Variants in LCOR observed in about 807,000 individuals in gnomAD.
LCOR encodes the protein ligand dependent nuclear receptor corepressor.
A neutral mutation model predicts 64.4 loss-of-function variants in LCOR; 14 were observed. That is an observed-to-expected ratio of 0.22 (90% CI 0.14 to 0.34). The LOEUF is 0.34. Ranked by LOEUF, LCOR falls within the 10% of genes least tolerant of loss-of-function variation. LCOR has a pLI of 1.00. For missense variants in LCOR, 1,686 were observed against 1,765.3 expected, an observed-to-expected ratio of 0.96 and a Z score of 0.80; for synonymous variants, 643 against 642.5, an observed-to-expected ratio of 1.00 and a Z score of -0.01.
At chr10:96,942,525 A>G (rs1847511209) in intron 4 of LCOR, among the ~76,000 whole-genome samples, 1 of 152,220 alleles carries the variant, frequency 6.6e-6, no homozygotes, top group Non-Finnish European at 1.5e-5. Flanking sequence ...ATTTTTTAAT[A>G]CATTATATAG....
intron 2 of LCOR, among the ~76,000 whole-genome samples, chr10:96,865,784 G>T: frequency 6.7e-6 from 1 of 148,338 alleles, no homozygotes. Flanking sequence ...TGAGGCAGGA[G>T]AATTGTTTGA....
intron 2 of LCOR, among the ~76,000 whole-genome samples, chr10:96,886,003 G>T (rs1031299767): frequency 2.6e-4 from 39 of 152,046 alleles, no homozygotes; most frequent in African/African-American, 9.2e-4. Context: ...TCAGCCTCCC[G>T]AGTAGCTGGG....
chr10:96,989,329 TTAAAG>T lies in LCOR; in HGVS notation c.*4199_*4203del, dbSNP rs1247517644. On this transcript the variant is annotated 3_prime_UTR_variant, in exon 8 of 8. Transcript: ENST00000421806. ...TGACTCTGGCTTTATTTCTTGTTTA[TTAAAG>T]TAAGCCAAGATTTTGTTTCTGGTAA... 6.6e-6 allele frequency: 1 copy of T among 150,872 alleles called. No homozygotes were observed. Among genetic ancestry groups the T allele is most frequent in the Non-Finnish European group, 1.5e-5 (1 of 67,916 alleles). The allele number at this position is 150,872 out of a possible 1,614,324, so 9.3% of individuals were successfully genotyped here. A position where few individuals can be genotyped will look rare whatever the true frequency, so the allele number is the denominator to read the frequency against.
chr10:96,920,689 T>TATATATGC (rs1491249195), intron 4 of LCOR, among the ~76,000 whole-genome samples: 1 of 147,660 alleles, frequency 6.8e-6, no homozygotes, highest in African/African-American at 2.5e-5. Flanking sequence ...CATATATGTG[T>TATATATGC]ATATATGTTC....
intron 2 of LCOR, among the ~76,000 whole-genome samples, chr10:96,901,439 A>T (rs1024655903): frequency 1.3e-5 from 2 of 152,096 alleles, no homozygotes; most frequent in Admixed American, 6.5e-5. Flanking sequence ...GGAGCTTGTA[A>T]ATTTTTATTG....
At chr10:96,911,830 GT>G (rs1846841281) in intron 4 of LCOR, among the ~76,000 whole-genome samples, 1 of 152,210 alleles carries the variant, frequency 6.6e-6, no homozygotes, top group Admixed American at 6.5e-5. Context: ...TGACTAAGAA[GT>G]CAGGAAGCTT....
intron 4 of LCOR, among the ~76,000 whole-genome samples, chr10:96,912,646 T>TCC (rs1589650818): frequency 6.9e-6 from 1 of 145,350 alleles, no homozygotes; most frequent in South Asian, 2.2e-4. Flanking sequence ...CTTCCTTCCT[T>TCC]TCCTTCTTTT....
intron 2 of LCOR, among the ~76,000 whole-genome samples, chr10:96,872,211 G>C (rs1846083276): frequency 6.6e-6 from 1 of 152,234 alleles, no homozygotes; most frequent in African/African-American, 2.4e-5. Flanking sequence ...GGCACATATG[G>C]CTTATGCCAT....
intron 4 of LCOR, among the ~76,000 whole-genome samples, chr10:96,918,448 A>T (rs1846992811): frequency 6.6e-6 from 1 of 152,144 alleles, no homozygotes; most frequent in Admixed American, 6.5e-5. Context: ...TGTTGGTGGG[A>T]GTTAAGAAAT....
intron 5 of LCOR, among the ~76,000 whole-genome samples, chr10:96,945,587 A>T (rs1402873499): frequency 2.0e-5 from 3 of 152,186 alleles, no homozygotes; most frequent in African/African-American, 7.2e-5. Flanking sequence ...TCTTAGTTTT[A>T]TGAACATCTG....
At chr10:96,868,562 C>G (rs553624381) in intron 2 of LCOR, among the ~76,000 whole-genome samples, 70 of 152,292 alleles carry the variant, frequency 4.6e-4, no homozygotes, top group African/African-American at 1.6e-3. Flanking sequence ...GCGTGAGCCA[C>G]TCTTCCTGGT....
At chr10:96,950,295 C>G (rs1847655180) in intron 6 of LCOR, among the ~76,000 whole-genome samples, 1 of 152,026 alleles carries the variant, frequency 6.6e-6, no homozygotes, top group Non-Finnish European at 1.5e-5. Flanking sequence ...TATCCTTTTC[C>G]TGTGTGGTGA....
rs1316670492 is a variant in LCOR, at chr10:96,956,141, A to G, written c.332+3945A>G. The G allele has an allele frequency of 1.1e-5, 15 of 1,355,712 alleles. No homozygotes were observed. In the South Asian group the frequency reaches 1.6e-4, roughly 14 times the overall value. The allele number at this position is 1,355,712 out of a possible 1,614,324, so 84.0% of individuals were successfully genotyped here. A position where few individuals can be genotyped will look rare whatever the true frequency, so the allele number is the denominator to read the frequency against. ...GCTCGGAATATGTTTGGCCTTTTGC[A>G]TGTTTCTCTACAAAAGAGAATTGAG... On this transcript the variant is annotated intron_variant, in intron 7 of 7. Coordinates refer to ENST00000421806, the MANE Select transcript of LCOR (RefSeq NM_001346516.2).
At chr10:96,940,146 A>G (rs1164298096) in intron 4 of LCOR, among the ~76,000 whole-genome samples, 1 of 152,200 alleles carries the variant, frequency 6.6e-6, no homozygotes, top group Non-Finnish European at 1.5e-5. Flanking sequence ...AGTGTTCATG[A>G]GTATGTGGAG....
At chr10:96,894,248 C>T (rs773810295) in intron 2 of LCOR, among the ~76,000 whole-genome samples, 7 of 152,166 alleles carry the variant, frequency 4.6e-5, no homozygotes, top group Non-Finnish European at 8.8e-5. Context: ...CATGCCACCA[C>T]GCCCAGCTAA....
At chr10:96,949,941 A>G (rs925513430) in intron 6 of LCOR, among the ~76,000 whole-genome samples, 1 of 152,224 alleles carries the variant, frequency 6.6e-6, no homozygotes, top group Non-Finnish European at 1.5e-5. Flanking sequence ...TTAAGAGGTT[A>G]TTAGTTTTGT....
chr10:96,856,527 C>T (rs926452022), intron 2 of LCOR, among the ~76,000 whole-genome samples: 1 of 151,092 alleles, frequency 6.6e-6, no homozygotes, highest in African/African-American at 2.4e-5. Flanking sequence ...ACTGTCTTAC[C>T]CCGTCCCTGT....
chr10:96,976,116 T>A (rs1024318695), intron 7 of LCOR, among the ~76,000 whole-genome samples: 7 of 152,234 alleles, frequency 4.6e-5, no homozygotes, highest in African/African-American at 1.7e-4. Context: ...AGTGACAGGC[T>A]GACAAGAATA....
Position 96,915,255 on chromosome 10 carries a change from G to A in LCOR, c.-184+7508G>A, listed in dbSNP as rs1589652598. 3.3e-5 allele frequency among the ~76,000 whole-genome samples: 5 copies of A among 152,218 alleles called. No homozygotes were observed. In the South Asian group the frequency reaches 1.0e-3, roughly 32 times the overall value. The stretch of plus-strand genomic sequence containing the variant: ...AAGTAAATAAGCCGGGCACGGAGGT[G>A]CACGCCTGTAATCCCAGCACTTTGG... On this transcript the variant is annotated intron_variant, in intron 4 of 7. Transcript: ENST00000421806.
Sources: allele counts gnomAD v4.1 joint callset (sites outside exome capture counted in the v4.1 genomes callset), GRCh38; gene constraint gnomAD v4.1.1; transcripts MANE v1.5; gene names NCBI Gene and HGNC (gene_info 2026-07-23, HGNC 2026-07-21).